The following CLNK variants were observed in gnomAD, a reference collection of about 807,000 sequenced individuals.
CLNK encodes cytokine-dependent hematopoietic cell linker.
In CLNK, 74 loss-of-function variants were observed where a neutral mutation model predicts 68.6. That is an observed-to-expected ratio of 1.08 (90% CI 0.89 to 1.31). The LOEUF (loss-of-function observed/expected upper bound fraction) is 1.31, where lower values mean the gene tolerates loss of function less well. Among genes scored for constraint, CLNK ranks in the 50% most tolerant of loss-of-function variants. The probability of loss-of-function intolerance (pLI) is 0.00; values close to 1 mark genes in which losing one functional copy is unlikely to be tolerated. For missense variants in CLNK, 553 were observed against 515.3 expected, an observed-to-expected ratio of 1.07 and a Z score of -0.71; for synonymous variants, 198 against 172.2, an observed-to-expected ratio of 1.15 and a Z score of -1.17.
At chr4:10,664,732 T>TGCA (rs1325146548) in intron 2 of CLNK, among the ~76,000 whole-genome samples, 1 of 152,202 alleles carries the variant, frequency 6.6e-6, no homozygotes. Flanking sequence ...ACTGCTGCTG[T>TGCA]GCAGCCTGCC....
chr4:10,528,030 C>T, intron 13 of CLNK, 46 bp downstream of exon 13: 1 of 1,110,858 alleles, frequency 9.0e-7, no homozygotes, highest in Non-Finnish European at 1.2e-6. Flanking sequence ...GAAAGAGAAC[C>T]TAGTCTATTA....
At chr4:10,556,984 G>C (rs1028761132) in intron 8 of CLNK, among the ~76,000 whole-genome samples, 5 of 152,010 alleles carry the variant, frequency 3.3e-5, no homozygotes, top group Non-Finnish European at 7.4e-5. Context: ...GCTGAGGCAG[G>C]AGAATTGCTT....
intron 8 of CLNK, among the ~76,000 whole-genome samples, chr4:10,549,279 G>C (rs1292157406): frequency 6.6e-6 from 1 of 152,114 alleles, no homozygotes; most frequent in Non-Finnish European, 1.5e-5. Context: ...CTTTGCAGGT[G>C]AAAAAAACTG....
At chr4:10,733,667 C>T in the CLNK span, among the ~76,000 whole-genome samples, 1 of 152,212 alleles carries the variant, frequency 6.6e-6, no homozygotes, top group South Asian at 2.1e-4. Flanking sequence ...TCATTCTGAG[C>T]ATCTGCCATA....
intron 8 of CLNK, among the ~76,000 whole-genome samples, chr4:10,546,719 C>A (rs1719248262): frequency 1.3e-5 from 2 of 152,200 alleles, no homozygotes; most frequent in African/African-American, 4.8e-5. Flanking sequence ...CAGCAACACT[C>A]CACTTCTTGA....
chr4:10,627,351 TCCCTCCCAAACTTG>T (rs1722714771), intron 2 of CLNK, among the ~76,000 whole-genome samples: 1 of 152,110 alleles, frequency 6.6e-6, no homozygotes, highest in Non-Finnish European at 1.5e-5. Context: ...ATGAGAATTG[TCCCTCCCAAACTTG>T]CCCTTTTCTC....
chr4:10,637,755 C>T lies in CLNK; in HGVS notation c.11+30104G>A, dbSNP rs1723150686. 2.9e-5 allele frequency among the ~76,000 whole-genome samples: 4 copies of T among 137,104 alleles called. No homozygotes were observed. In the South Asian group the frequency reaches 9.5e-4, roughly 33 times the overall value. The allele number at this position is 137,104 out of a possible 152,430, so 89.9% of individuals were successfully genotyped here. A position where few individuals can be genotyped will look rare whatever the true frequency, so the allele number is the denominator to read the frequency against. On this transcript the variant is annotated intron_variant, in intron 2 of 18. Coordinates refer to ENST00000226951, the MANE Select transcript of CLNK (RefSeq NM_052964.4). Reference sequence around the variant, plus strand: ...GACTACAGGTGCCCGCCACCAGGCCCAGCTAATTTTTTTTTTTTTTGTAGT... The same window carrying T: ...GACTACAGGTGCCCGCCACCAGGCCTAGCTAATTTTTTTTTTTTTTGTAGT...
At chr4:10,607,684 A>G (rs1323508660) in intron 2 of CLNK, among the ~76,000 whole-genome samples, 1 of 152,192 alleles carries the variant, frequency 6.6e-6, no homozygotes, top group African/African-American at 2.4e-5. Flanking sequence ...GACCTTGCTC[A>G]GAGGGTCCTA....
intron 17 of CLNK, among the ~76,000 whole-genome samples, chr4:10,501,827 T>C (rs1364442104): frequency 6.6e-6 from 1 of 152,212 alleles, no homozygotes; most frequent in Non-Finnish European, 1.5e-5. Context: ...CTCAGGAGGC[T>C]GAGGCAGGAG....
the CLNK span, among the ~76,000 whole-genome samples, chr4:10,692,872 A>G: frequency 6.6e-6 from 1 of 152,242 alleles, no homozygotes; most frequent in Admixed American, 6.5e-5. Flanking sequence ...GAAAGGGTTA[A>G]ACAGACTTCC....
At chr4:10,642,691 CA>C (rs1286382728) in intron 2 of CLNK, among the ~76,000 whole-genome samples, 2 of 152,138 alleles carry the variant, frequency 1.3e-5, no homozygotes, top group African/African-American at 4.8e-5. Context: ...ACAATGTAAA[CA>C]ACAATGACCC....
the CLNK span, chr4:10,697,273 C>T: frequency 6.6e-6 from 1 of 152,192 alleles, no homozygotes; most frequent in Non-Finnish European, 1.5e-5. Flanking sequence ...CCCAAAGTTA[C>T]CTATGAGGAA....
At chr4:10,621,314 T>C (rs1452947646) in intron 2 of CLNK, among the ~76,000 whole-genome samples, 6 of 152,290 alleles carry the variant, frequency 3.9e-5, no homozygotes, top group Admixed American at 3.9e-4. Context: ...GACTGTATTT[T>C]ATTTGTCTTC....
rs1168074663 is a variant in CLNK, at chr4:10,508,047, G to C, written c.907-11C>G. The stretch of plus-strand genomic sequence containing the variant: ...ATTGTGCTGGACATCCTGCAGAACA[G>C]AATCAATGATAAATATTTTAGGGTC... On this transcript the variant is annotated splice_polypyrimidine_tract_variant and intron_variant, in intron 16 of 18. Coordinates refer to ENST00000226951, the MANE Select transcript of CLNK (RefSeq NM_052964.4). 6.3e-7 allele frequency: 1 copy of C among 1,594,168 alleles called. No homozygotes were observed. Among genetic ancestry groups the C allele is most frequent in the Non-Finnish European group, 8.6e-7 (1 of 1,169,360 alleles).
At chr4:10,659,344 A>C (rs1015021018) in intron 2 of CLNK, among the ~76,000 whole-genome samples, 3 of 152,212 alleles carry the variant, frequency 2.0e-5, no homozygotes, top group Non-Finnish European at 4.4e-5. Flanking sequence ...TGTATACATT[A>C]AGTCGCTTAA....
the CLNK span, among the ~76,000 whole-genome samples, chr4:10,728,679 C>T: frequency 3.3e-5 from 5 of 150,592 alleles, no homozygotes; most frequent in African/African-American, 1.2e-4. Flanking sequence ...TCTCCCACCT[C>T]CCGGGTTCAC....
chr4:10,511,241 AC>A (rs1469670060), intron 16 of CLNK, among the ~76,000 whole-genome samples: 1 of 151,134 alleles, frequency 6.6e-6, no homozygotes, highest in Non-Finnish European at 1.5e-5. Flanking sequence ...CTGCACCCTG[AC>A]CCCCTTGGGC....
intron 3 of CLNK, among the ~76,000 whole-genome samples, chr4:10,592,719 A>G (rs61795147): frequency 0.046 from 6,829 of 149,268 alleles, 192 homozygotes; most frequent in Middle Eastern, 0.1. Flanking sequence ...TTGTTTGTTT[A>G]TTTATTTATT....
At chr4:10,526,727 T>C (rs1049706286) in intron 13 of CLNK, among the ~76,000 whole-genome samples, 3 of 152,166 alleles carry the variant, frequency 2.0e-5, no homozygotes, top group Non-Finnish European at 4.4e-5. Flanking sequence ...TTTTCCCCCC[T>C]CGATCATCAA....
Sources: gnomAD v4.1 joint callset for allele counts (sites outside exome capture counted in the v4.1 genomes callset) on GRCh38, gnomAD v4.1.1 for gene constraint, MANE v1.5 for transcripts, NCBI Gene and HGNC (gene_info 2026-07-23, HGNC 2026-07-21) for gene names.